FBXO38: variants seen among roughly 807,000 people sequenced by gnomAD.
The protein encoded by FBXO38 is F-box protein 38, also known as F-box only protein 38.
In FBXO38, 53 loss-of-function variants were observed where a neutral mutation model predicts 131.9. That is an observed-to-expected ratio of 0.40 (90% CI 0.32 to 0.51). The LOEUF (loss-of-function observed/expected upper bound fraction) is 0.51. Ranked by LOEUF, FBXO38 falls within the 20% of genes least tolerant of loss-of-function variation. The probability of loss-of-function intolerance (pLI) is 0.53; values close to 1 mark genes in which losing one functional copy is unlikely to be tolerated. For missense variants in FBXO38, 1,076 were observed against 1,475.6 expected, an observed-to-expected ratio of 0.73 and a Z score of 4.44; for synonymous variants, 452 against 505.6, an observed-to-expected ratio of 0.89 and a Z score of 1.42.
intron 1 of FBXO38, among the ~76,000 whole-genome samples, chr5:148,388,102 T>C (rs1381789411): frequency 1.3e-5 from 2 of 152,204 alleles, no homozygotes; most frequent in Non-Finnish European, 2.9e-5. Context: ...AATATTAATC[T>C]CCTTGTGTAT....
intron 17 of FBXO38, among the ~76,000 whole-genome samples, chr5:148,437,374 A>G (rs887341832): frequency 6.6e-6 from 1 of 152,236 alleles, no homozygotes; most frequent in Non-Finnish European, 1.5e-5. Context: ...GTCCTCAACA[A>G]CAGTTCCCCT....
intron 11 of FBXO38, among the ~76,000 whole-genome samples, chr5:148,416,422 C>G (rs1343146767): frequency 1.3e-5 from 2 of 152,050 alleles, no homozygotes; most frequent in Non-Finnish European, 2.9e-5. Flanking sequence ...TAGATTAAAT[C>G]TAATTAGGAA....
At chr5:148,438,241 G>A in intron 17 of FBXO38, 91 bp from the exon 18 acceptor site, 1 of 1,107,240 alleles carries the variant, frequency 9.0e-7, no homozygotes. Flanking sequence ...TGTTAAAGAT[G>A]TTTGTTACTG....
intron 1 of FBXO38, among the ~76,000 whole-genome samples, chr5:148,390,524 A>G (rs1758146715): frequency 6.6e-6 from 1 of 152,176 alleles, no homozygotes; most frequent in Non-Finnish European, 1.5e-5. Context: ...AAGAAACAGG[A>G]ATAGTTTTAC....
intron 10 of FBXO38, 102 bp from the exon 11 acceptor site, chr5:148,415,826 T>G (rs1215497829): frequency 3.1e-5 from 39 of 1,255,054 alleles, no homozygotes; most frequent in Non-Finnish European, 4.4e-5. Context: ...AAAGTTATTT[T>G]AAAAAAAAGG....
At chr5:148,414,570 G>A (rs949314495) in intron 10 of FBXO38, among the ~76,000 whole-genome samples, 7 of 151,982 alleles carry the variant, frequency 4.6e-5, no homozygotes, top group African/African-American at 1.7e-4. Context: ...GTACTTCTTT[G>A]GGCTAGGAAC....
intron 17 of FBXO38, among the ~76,000 whole-genome samples, chr5:148,437,706 T>G (rs1754425403): frequency 6.6e-6 from 1 of 152,216 alleles, no homozygotes; most frequent in South Asian, 2.1e-4. Context: ...GTTTATTATA[T>G]CAAAATTACT....
At chr5:148,431,913 G>A (rs1438309230) in intron 15 of FBXO38, among the ~76,000 whole-genome samples, 1 of 152,142 alleles carries the variant, frequency 6.6e-6, no homozygotes, top group Non-Finnish European at 1.5e-5. Context: ...CAGCTGCTTT[G>A]AATTGTTTTA....
Position 148,391,193 on chromosome 5 carries a change from G to C in FBXO38, c.-63-3521G>C, listed in dbSNP as rs552637370. ...ATCATTGAATGCTGTGGTAGCAAAC[G>C]TCTCATAAGAGCATGAAATGGTTTT... On this transcript the variant is annotated intron_variant, in intron 1 of 21. Transcript: ENST00000340253. Among the ~76,000 whole-genome samples the C allele has an allele frequency of 7.9e-5, 12 of 152,312 alleles. No individual in the cohort carries two copies. In the South Asian group the frequency reaches 2.3e-3, roughly 29 times the overall value.
rs757403147 is a variant in FBXO38 at position 148,402,154 on chromosome 5, A to G, written c.426+9A>G. 4 of 1,599,104 alleles carry G rather than the reference A, an allele frequency of 2.5e-6. No individual in the cohort carries two copies. The highest frequency in any genetic ancestry group is 3.3e-4 in the Middle Eastern group (2 of 5,988). On this transcript the variant is annotated intron_variant, in intron 4 of 21. Coordinates refer to ENST00000340253, the MANE Select transcript of FBXO38 (RefSeq NM_205836.3). ...CATGCCCAAACTTAGTGGTGAGTGC[A>G]CCTGGTTGAACATTTTGGCATCAAC...
Position 148,427,553 on chromosome 5 carries a change from C to G in FBXO38, c.2259C>G (p.Ser753=). ...ATGTGTCCAGGCAGTGTGCCTGCTC[C>G]CCCGGTGGGTCAGAGGACTCTGAGG... ...EVDVSRQCAC[S]PGGSEDSEAM... The change falls in exon 15 of 22, where the codon TCC becomes TCG. Residue 753 remains serine, a synonymous_variant. Transcript: ENST00000340253. 1 of 1,614,148 alleles carries G rather than the reference C, an allele frequency of 6.2e-7. No individual in the cohort carries two copies.
intron 1 of FBXO38, among the ~76,000 whole-genome samples, chr5:148,391,828 C>T (rs977994786): frequency 6.6e-6 from 1 of 152,140 alleles, no homozygotes; most frequent in African/African-American, 2.4e-5. Context: ...TTTCCTAAAC[C>T]TCTGTTATCA....
chr5:148,394,557 T>C (rs920495721), intron 1 of FBXO38, among the ~76,000 whole-genome samples, 157 bp from the exon 2 acceptor site: 1 of 152,164 alleles, frequency 6.6e-6, no homozygotes, highest in African/African-American at 2.4e-5. Flanking sequence ...TGTTCTGTGC[T>C]TTTTGCACAG....
chr5:148,387,323 A>G (rs905584061), intron 1 of FBXO38, among the ~76,000 whole-genome samples: 3 of 152,226 alleles, frequency 2.0e-5, no homozygotes, highest in African/African-American at 7.2e-5. Context: ...GCAACTTCTC[A>G]TCTGTTCAAG....
chr5:148,397,888 C>G (rs1447003302), intron 2 of FBXO38, among the ~76,000 whole-genome samples: 1 of 152,124 alleles, frequency 6.6e-6, no homozygotes, highest in African/African-American at 2.4e-5. Flanking sequence ...ACAGAAAATA[C>G]ACTTACCTGG....
At chr5:148,424,171 A>G (rs2113616963) in intron 13 of FBXO38, 54 bp downstream of exon 13, 1 of 1,559,440 alleles carries the variant, frequency 6.4e-7, no homozygotes, top group East Asian at 2.2e-5. Flanking sequence ...GCCTAACTGT[A>G]ATGAAGTACA....
At position 148,442,287 on chromosome 5, in the gene FBXO38, C is replaced by T. The variant is rs1754731322; in HGVS notation, c.*140C>T. 1.8e-6 allele frequency: 1 copy of T among 553,248 alleles called. No homozygotes were observed. The highest frequency in any genetic ancestry group is 3.4e-5 in the Admixed American group (1 of 29,456). 34.3% of individuals were successfully genotyped at this position (553,248 alleles called of 1,614,324 possible). A position where few individuals can be genotyped will look rare whatever the true frequency, so the allele number is the denominator to read the frequency against. ...TATATAGGGAATATATAAGGAACAT[C>T]GAAATTGTATACAAAGATTTGTACA... is the stretch of plus-strand genomic sequence containing the variant. On this transcript the variant is annotated 3_prime_UTR_variant, in exon 22 of 22. Transcript: ENST00000340253.
chr5:148,427,383 A>G lies in FBXO38; in HGVS notation c.2089A>G (p.Asn697Asp), dbSNP rs750617094. The G allele has an allele frequency of 1.2e-6, 2 of 1,614,062 alleles. No homozygotes were observed. Among genetic ancestry groups the G allele is most frequent in the Non-Finnish European group, 1.7e-6 (2 of 1,180,034 alleles). ...TAGGGATATTCCTGAAAAGAAAAAA[A>G]ACAAGGATGTTTATCCCAGCTGCAG... The part of the protein sequence containing the change: ...AARDIPEKKK[N>D]KDVYPSCSST... The change falls in exon 15 of 22, where the codon AAC (asparagine) becomes GAC (aspartate). Residue 697 changes from asparagine to aspartate, a missense_variant. Asn to Asp is a conservative substitution (Grantham distance 23). Around this residue, in one of 8 missense-constraint regions of FBXO38, gnomAD observed 213 missense variants for 225.2 expected, o/e 0.95. Transcript: ENST00000340253.
intron 5 of FBXO38, among the ~76,000 whole-genome samples, chr5:148,402,834 G>T (rs1296535167): frequency 6.6e-6 from 1 of 152,130 alleles, no homozygotes; most frequent in Non-Finnish European, 1.5e-5. Context: ...GAATTCGGGG[G>T]TCCCTGTTAA....
Sources: allele counts gnomAD v4.1 joint callset (sites outside exome capture counted in the v4.1 genomes callset), GRCh38; gene constraint gnomAD v4.1.1; regional missense constraint gnomAD v4.1.1; transcripts MANE v1.5; gene names NCBI Gene and HGNC (gene_info 2026-07-23, HGNC 2026-07-21).